TRPM3: variants seen among roughly 807,000 people sequenced by gnomAD.
TRPM3 encodes the protein transient receptor potential cation channel subfamily M member 3.
A neutral mutation model predicts 181.2 loss-of-function variants in TRPM3; 77 were observed. That is an observed-to-expected ratio of 0.42 (90% CI 0.35 to 0.51). The LOEUF is 0.51. TRPM3 is among the 20% of genes least tolerant of loss of function. TRPM3 has a pLI of 0.01. For synonymous variants in TRPM3, 745 were observed against 796.4 expected (o/e 0.94, Z 1.09); for missense variants, 1,759 against 2,196.7 (o/e 0.80, Z 3.98).
intron 5 of TRPM3, among the ~76,000 whole-genome samples, chr9:70,841,654 A>ATG (rs1564540313): frequency 1.6e-5 from 2 of 123,718 alleles, no homozygotes; most frequent in South Asian, 2.6e-4. Flanking sequence ...ATATATATAT[A>ATG]TATATATCCC....
At chr9:71,028,933 T>C (rs1209434537) in intron 1 of TRPM3, among the ~76,000 whole-genome samples, 1 of 152,166 alleles carries the variant, frequency 6.6e-6, no homozygotes, top group Non-Finnish European at 1.5e-5. Flanking sequence ...ATAGACCTGA[T>C]AGACACCTAC....
At chr9:71,224,608 G>A (rs2080463260) in intron 1 of TRPM3, among the ~76,000 whole-genome samples, 1 of 152,080 alleles carries the variant, frequency 6.6e-6, no homozygotes, top group Non-Finnish European at 1.5e-5. Flanking sequence ...ACCTTTCAGA[G>A]AATTCAGAAT....
chr9:71,325,675 C>T (rs1266616530), intron 1 of TRPM3, among the ~76,000 whole-genome samples: 1 of 152,094 alleles, frequency 6.6e-6, no homozygotes, highest in Non-Finnish European at 1.5e-5. Flanking sequence ...CACTAACCTA[C>T]AAAACCTACA....
rs1345646512 is a variant in TRPM3 at position 71,168,426 on chromosome 9, C to T, written c.183+278227G>A. On this transcript the variant is annotated intron_variant, in intron 1 of 24. Coordinates refer to the TRPM3 transcript ENST00000357533. ...AGTACTGAACGGAGATTTAGAATTA[C>T]TGAGAGTTTAAATCAGAACCTCTGT... Among the ~76,000 whole-genome samples the T allele has an allele frequency of 2.6e-5, 4 of 151,022 alleles. No homozygotes were observed. In the East Asian group the frequency reaches 7.8e-4, roughly 30 times the overall value.
intron 1 of TRPM3, among the ~76,000 whole-genome samples, chr9:71,349,714 T>C (rs1410928184): frequency 6.6e-6 from 1 of 152,108 alleles, no homozygotes; most frequent in East Asian, 1.9e-4. Context: ...AAAATATATT[T>C]GAAAGGGAGC....
intron 1 of TRPM3, among the ~76,000 whole-genome samples, chr9:70,897,146 T>G (rs1283972180): frequency 4.1e-5 from 6 of 145,264 alleles, no homozygotes. Flanking sequence ...AAATTCTTGT[T>G]AACTGTAGTT....
intron 1 of TRPM3, among the ~76,000 whole-genome samples, chr9:71,157,325 A>C (rs1030243849): frequency 3.9e-5 from 6 of 152,194 alleles, no homozygotes; most frequent in African/African-American, 1.4e-4. Flanking sequence ...ATTACCATGA[A>C]GATGTCTATA....
rs184032998 is a variant in TRPM3 at position 71,150,036 on chromosome 9, C to A, written c.184-285525G>T. On this transcript the variant is annotated intron_variant, in intron 1 of 24. Coordinates refer to the TRPM3 transcript ENST00000357533. ...TACTGAATAAGTATACAAATTTACA[C>A]AAGAAAGAAGAACAAAATGAAACTA... Among the ~76,000 whole-genome samples the A allele has an allele frequency of 5.4e-3, 815 of 151,702 alleles. 4 individuals carry two copies. Among genetic ancestry groups the A allele is most frequent in the African/African-American group, 0.019 (773 of 41,360 alleles).
intron 6 of TRPM3, chr9:70,824,367 A>G (rs2093411898): frequency 6.6e-6 from 1 of 152,218 alleles, no homozygotes; most frequent in Non-Finnish European, 1.5e-5. Context: ...GCAGGAAATG[A>G]AAAAGTAAAT....
intron 8 of TRPM3, among the ~76,000 whole-genome samples, chr9:70,742,047 T>C (rs868818933): frequency 6.6e-6 from 1 of 152,144 alleles, no homozygotes; most frequent in Non-Finnish European, 1.5e-5. Context: ...TTTTTAAAGT[T>C]TTTTAATTTT....
intron 1 of TRPM3, among the ~76,000 whole-genome samples, chr9:71,099,808 C>T (rs2068002411): frequency 6.6e-6 from 1 of 152,150 alleles, no homozygotes; most frequent in Non-Finnish European, 1.5e-5. Context: ...AAGGAGGTGT[C>T]ATTATTACTC....
At chr9:71,143,528 T>C (rs1380050422) in intron 1 of TRPM3, among the ~76,000 whole-genome samples, 1 of 152,200 alleles carries the variant, frequency 6.6e-6, no homozygotes, top group Non-Finnish European at 1.5e-5. Flanking sequence ...CTCATTCTTT[T>C]TTATGGCTGC....
chr9:70,899,854 GA>G (rs1397240685), intron 1 of TRPM3, among the ~76,000 whole-genome samples: 3 of 152,134 alleles, frequency 2.0e-5, no homozygotes, highest in Non-Finnish European at 4.4e-5. Context: ...GATATTTGAA[GA>G]ATGAATGAAT....
chr9:70,777,986 G>C (rs1326715662), intron 7 of TRPM3, among the ~76,000 whole-genome samples: 13 of 149,332 alleles, frequency 8.7e-5, no homozygotes, highest in African/African-American at 2.7e-4. Context: ...AAATTTAACA[G>C]ACACAGACAC....
At chr9:71,421,666 C>G (rs1384378545) in intron 1 of TRPM3, among the ~76,000 whole-genome samples, 1 of 151,962 alleles carries the variant, frequency 6.6e-6, no homozygotes, top group Non-Finnish European at 1.5e-5. Flanking sequence ...CTCACATAAA[C>G]CTAGCTGGGA....
At chr9:71,292,027 G>A (rs2085856635) in intron 1 of TRPM3, among the ~76,000 whole-genome samples, 1 of 151,956 alleles carries the variant, frequency 6.6e-6, no homozygotes, top group South Asian at 2.1e-4. Context: ...GAAAAAGGAG[G>A]AGAAAGACAA....
chr9:70,921,824 T>G (rs2096656607), intron 1 of TRPM3, among the ~76,000 whole-genome samples: 1 of 151,892 alleles, frequency 6.6e-6, no homozygotes, highest in Non-Finnish European at 1.5e-5. Context: ...TTCCCAACAG[T>G]CCTCAAGGAA....
intron 1 of TRPM3, among the ~76,000 whole-genome samples, chr9:71,317,687 A>ACACAC (rs933234438): frequency 6.6e-6 from 1 of 151,714 alleles, no homozygotes; most frequent in Non-Finnish European, 1.5e-5. Context: ...ATACACACAC[A>ACACAC]CACACACGCG....
chr9:70,857,043 T>C (rs1250154288), intron 3 of TRPM3, among the ~76,000 whole-genome samples: 1 of 152,210 alleles, frequency 6.6e-6, no homozygotes, highest in Non-Finnish European at 1.5e-5. Context: ...ATCTTCTTGT[T>C]GCTCTGTAAA....
Sources: allele counts gnomAD v4.1 joint callset (sites outside exome capture counted in the v4.1 genomes callset), GRCh38; gene constraint gnomAD v4.1.1; transcripts MANE v1.5; gene names NCBI Gene and HGNC (gene_info 2026-07-23, HGNC 2026-07-21).